SPAG16: variants seen among roughly 807,000 people sequenced by gnomAD.
SPAG16 encodes sperm-associated antigen 16 protein.
A neutral mutation model predicts 80.4 loss-of-function variants in SPAG16; 86 were observed. That is an observed-to-expected ratio of 1.07 (90% confidence interval 0.90 to 1.28). SPAG16 has a LOEUF of 1.28. Among genes scored for constraint, SPAG16 ranks in the 50% most tolerant of loss-of-function variants. The probability of loss-of-function intolerance (pLI) is 0.00; values close to 1 mark genes in which losing one functional copy is unlikely to be tolerated. For synonymous variants in SPAG16, 294 were observed against 265.9 expected (o/e 1.11, Z -1.03); for missense variants, 870 against 765.3 (o/e 1.14, Z -1.61).
At chr2:213,347,583 G>A (rs914113506) in intron 6 of SPAG16, among the ~76,000 whole-genome samples, 56 of 152,232 alleles carry the variant, frequency 3.7e-4, no homozygotes, top group African/African-American at 1.3e-3. Context: ...CTGGTATGTT[G>A]TATCTTTGTT....
intron 8 of SPAG16, among the ~76,000 whole-genome samples, chr2:213,371,498 C>T (rs2066634780): frequency 6.6e-6 from 1 of 151,752 alleles, no homozygotes; most frequent in Non-Finnish European, 1.5e-5. Flanking sequence ...GTTACTTCCT[C>T]CCGCTTTACT....
intron 13 of SPAG16, among the ~76,000 whole-genome samples, chr2:214,024,990 A>G (rs1049673115): frequency 1.3e-5 from 2 of 151,532 alleles, no homozygotes; most frequent in Admixed American, 1.3e-4. Context: ...AAGATTTTTT[A>G]AAGTTCTTTT....
intron 10 of SPAG16, among the ~76,000 whole-genome samples, chr2:213,667,669 A>G (rs1666301144): frequency 6.6e-6 from 1 of 152,204 alleles, no homozygotes; most frequent in African/African-American, 2.4e-5. Context: ...TCTGATTATA[A>G]TTAAGTTATG....
intron 10 of SPAG16, among the ~76,000 whole-genome samples, chr2:213,592,659 C>A (rs1016028949): frequency 6.6e-6 from 1 of 152,152 alleles, no homozygotes; most frequent in Non-Finnish European, 1.5e-5. Context: ...ACAGGAACAT[C>A]TTCATTTGAA....
intron 10 of SPAG16, among the ~76,000 whole-genome samples, chr2:213,642,838 A>AAAAAAAAAAAAAAAAC: frequency 8.1e-6 from 1 of 124,022 alleles, no homozygotes; most frequent in Non-Finnish European, 1.7e-5. Context: ...AAAAAAAAAA[A>AAAAAAAAAAAAAAAAC]AAAAAAAAAA....
chr2:214,157,154 C>T (rs1217667677), intron 15 of SPAG16, among the ~76,000 whole-genome samples: 1 of 152,170 alleles, frequency 6.6e-6, no homozygotes, highest in Non-Finnish European at 1.5e-5. Flanking sequence ...ATGCACAAGT[C>T]TATGACTAAT....
At chr2:214,214,244 A>G (rs1367290924) in intron 15 of SPAG16, among the ~76,000 whole-genome samples, 1 of 145,926 alleles carries the variant, frequency 6.9e-6, no homozygotes, top group African/African-American at 2.6e-5. Flanking sequence ...AATCTGGCTC[A>G]CTGCAACCTC....
intron 11 of SPAG16, among the ~76,000 whole-genome samples, chr2:213,872,622 A>G (rs1433688660): frequency 6.6e-6 from 1 of 152,204 alleles, no homozygotes; most frequent in Middle Eastern, 3.4e-3. Context: ...CTCCAGTGCA[A>G]TGTTGAAAAG....
At chr2:214,278,265 C>A (rs1473533089) in intron 15 of SPAG16, among the ~76,000 whole-genome samples, 1 of 152,224 alleles carries the variant, frequency 6.6e-6, no homozygotes, top group Non-Finnish European at 1.5e-5. Context: ...CAACCCCTGG[C>A]ACTTCCCGGG....
intron 15 of SPAG16, among the ~76,000 whole-genome samples, chr2:214,334,412 A>T (rs1177366373): frequency 1.3e-5 from 2 of 152,242 alleles, no homozygotes; most frequent in African/African-American, 2.4e-5. Context: ...ATTTTCACCC[A>T]GATGTCCCAT....
At chr2:213,505,110 G>T (rs912006336) in intron 10 of SPAG16, among the ~76,000 whole-genome samples, 2 of 152,142 alleles carry the variant, frequency 1.3e-5, no homozygotes, top group African/African-American at 4.8e-5. Context: ...ATTTATAACA[G>T]CAACTGTTTT....
chr2:213,978,553 A>G (rs905274155), intron 12 of SPAG16, among the ~76,000 whole-genome samples: 1 of 152,088 alleles, frequency 6.6e-6, no homozygotes, highest in African/African-American at 2.4e-5. Context: ...CACTACTTCC[A>G]ATTTCTAAAT....
chr2:213,922,805 C>A (rs116528025), intron 11 of SPAG16, among the ~76,000 whole-genome samples: 2,149 of 151,744 alleles, frequency 0.014, 42 homozygotes, highest in African/African-American at 0.049. Context: ...TTGGTGGCAC[C>A]CTCTATGATT....
intron 1 of SPAG16, among the ~76,000 whole-genome samples, chr2:213,291,915 G>A (rs2062290184): frequency 6.6e-6 from 1 of 152,170 alleles, no homozygotes; most frequent in Non-Finnish European, 1.5e-5. Context: ...TGGTCCATGT[G>A]AAAATACTTT....
intron 11 of SPAG16, among the ~76,000 whole-genome samples, chr2:213,915,486 C>T (rs1369113815): frequency 6.6e-6 from 1 of 152,110 alleles, no homozygotes; most frequent in Non-Finnish European, 1.5e-5. Context: ...GCATAGTATT[C>T]CATGGTGTAT....
At chr2:214,329,304 C>G (rs571949885) in intron 15 of SPAG16, among the ~76,000 whole-genome samples, 1,726 of 150,830 alleles carry the variant, frequency 0.011, 30 homozygotes, top group African/African-American at 0.039. Context: ...AGAAAGAATT[C>G]TTATTATGTT....
intron 10 of SPAG16, among the ~76,000 whole-genome samples, chr2:213,861,245 C>G (rs982372615): frequency 2.6e-5 from 4 of 152,048 alleles, no homozygotes; most frequent in Non-Finnish European, 5.9e-5. Flanking sequence ...CTGTGTAGGT[C>G]TAATTTAAAA....
At chr2:214,094,591 T>C (rs1018553849) in intron 13 of SPAG16, among the ~76,000 whole-genome samples, 4 of 152,104 alleles carry the variant, frequency 2.6e-5, no homozygotes, top group African/African-American at 9.7e-5. Context: ...TTCTAATTTA[T>C]AATAGAGCAG....
intron 10 of SPAG16, among the ~76,000 whole-genome samples, chr2:213,613,870 CACTGCTTAGTGAAT>C (rs1345859943): frequency 2.6e-5 from 4 of 152,186 alleles, no homozygotes; most frequent in African/African-American, 9.6e-5. Context: ...GGCGAGAGAA[CACTGCTTAGTGAAT>C]ATAAACTAAG....
Sources: gnomAD v4.1 joint callset for allele counts (sites outside exome capture counted in the v4.1 genomes callset) on GRCh38, gnomAD v4.1.1 for gene constraint, MANE v1.5 for transcripts, NCBI Gene and HGNC (gene_info 2026-07-23, HGNC 2026-07-21) for gene names.